CFAP46: variants seen among roughly 807,000 people sequenced by gnomAD.
The protein encoded by CFAP46 is cilia- and flagella-associated protein 46.
A neutral mutation model predicts 325.7 loss-of-function variants in CFAP46; 245 were observed. The observed-to-expected ratio is 0.75, with a 90% CI of 0.68 to 0.84. The LOEUF (loss-of-function observed/expected upper bound fraction) is 0.84. CFAP46 is among the 40% of genes least tolerant of loss of function. The pLI, the probability that CFAP46 is intolerant of heterozygous loss-of-function variation, is 0.00. For missense variants in CFAP46, 3,346 were observed against 3,543.0 expected (o/e 0.94, Z 1.41); for synonymous variants, 1,523 against 1,495.9 (o/e 1.02, Z -0.42).
In CFAP46 at chr10:132,884,875, G is replaced by A. The variant is rs1849098675; in HGVS notation, c.3627+228C>T. Among the ~76,000 whole-genome samples, 2 of 152,222 alleles carry A rather than the reference G, an allele frequency of 1.3e-5. No individual in the cohort carries two copies. The highest frequency in any genetic ancestry group is 2.1e-4 in the South Asian group (1 of 4,818). ...TGCTCAGGGACGAGGACCTGACCAC[G>A]ACCCCTCCATGCTGGAAAGGGACCA... On this transcript the variant is annotated intron_variant, in intron 27 of 57. Transcript: ENST00000368586. This position sits in a 1 kb window ranked among gnomAD's most constrained non-coding sequence, Gnocchi z 5.4.
intron 50 of CFAP46, among the ~76,000 whole-genome samples, chr10:132,831,483 T>A (rs12415265): frequency 0.35 from 53,077 of 152,024 alleles, 10,302 homozygotes; most frequent in Admixed American, 0.51. Flanking sequence ...TCCTCCTCTT[T>A]ACGGAATGGC....
intron 31 of CFAP46, among the ~76,000 whole-genome samples, chr10:132,875,867 T>C (rs1156675101): frequency 6.6e-6 from 1 of 152,184 alleles, no homozygotes; most frequent in African/African-American, 2.4e-5. Flanking sequence ...AAAAGACTAA[T>C]GACTCTTATT....
intron 50 of CFAP46, among the ~76,000 whole-genome samples, chr10:132,822,772 G>GA (rs1847898848): frequency 2.8e-5 from 4 of 142,344 alleles, no homozygotes; most frequent in Non-Finnish European, 4.6e-5. Context: ...GATGTGTGCT[G>GA]TGTGTGCACT....
At position 132,912,640 on chromosome 10, in the gene CFAP46, T is replaced by C; in HGVS notation, c.2499+15A>G. ...CTCTCTCTCTCTCTCTCTCTCGGCA[T>C]CATGGAGGTGGTACCTCCACCGCTG... is the stretch of plus-strand genomic sequence containing the variant. On this transcript the variant is annotated intron_variant, in intron 19 of 57. Coordinates refer to ENST00000368586, the MANE Select transcript of CFAP46 (RefSeq NM_001200049.3). The C allele has an allele frequency of 2.1e-6, 3 of 1,455,680 alleles. No individual in the cohort carries two copies. The highest frequency in any genetic ancestry group is 1.8e-6 in the Non-Finnish European group (2 of 1,085,260). The allele number at this position is 1,455,680 out of a possible 1,614,324, so 90.2% of individuals were successfully genotyped here. A position where few individuals can be genotyped will look rare whatever the true frequency, so the allele number is the denominator to read the frequency against.
At chr10:132,823,535 C>CTGATGTGT (rs1564767329) in intron 50 of CFAP46, among the ~76,000 whole-genome samples, 3 of 63,800 alleles carry the variant, frequency 4.7e-5, no homozygotes, top group Non-Finnish European at 9.0e-5. Flanking sequence ...GTGCTGTGTG[C>CTGATGTGT]GCTGTGTGCT....
intron 13 of CFAP46, among the ~76,000 whole-genome samples, chr10:132,920,727 G>A (rs990062332): frequency 5.9e-5 from 9 of 152,234 alleles, no homozygotes; most frequent in Admixed American, 1.3e-4. Context: ...GCCAGCACAG[G>A]GGTTCACCTT....
intron 25 of CFAP46, among the ~76,000 whole-genome samples, chr10:132,887,473 CTCCTCTCCTCTCTCCCCTCTCGCCTATT>C (rs1849165268): frequency 8.2e-6 from 1 of 121,954 alleles, no homozygotes; most frequent in African/African-American, 3.2e-5. Flanking sequence ...TCTTCTCTCT[CTCCTCTCCTCTCTCCCCTCTCGCCTATT>C]TCCTCTCCTC....
intron 32 of CFAP46, among the ~76,000 whole-genome samples, chr10:132,870,375 A>C (rs753825100): frequency 6.6e-6 from 1 of 152,150 alleles, no homozygotes; most frequent in African/African-American, 2.4e-5. Context: ...TCTCACGTTA[A>C]AGAAAAGCCA....
At chr10:132,936,731 C>T (rs1481694784) in intron 7 of CFAP46, among the ~76,000 whole-genome samples, 1 of 152,252 alleles carries the variant, frequency 6.6e-6, no homozygotes, top group Non-Finnish European at 1.5e-5. Context: ...CTTCTGTGGC[C>T]TCACTGGCCT....
chr10:132,930,238 A>C (rs147385597), intron 8 of CFAP46, among the ~76,000 whole-genome samples: 113 of 150,612 alleles, frequency 7.5e-4, no homozygotes, highest in African/African-American at 2.4e-3. Flanking sequence ...ACAGAGCCCG[A>C]ACCTTCCTCC....
In CFAP46 at chr10:132,846,095, C is replaced by A; in HGVS notation, c.6400G>T (p.Gly2134Cys). ...GCCAGCCTCTGCTCCACACGGGCGC[C>A]CAGGCTGGTGGTGGTCCTGTCTTGG... ...RCQDRTTTSL[G>C]ARVEQRLAAV... Residue 2134 changes from glycine to cysteine, a missense_variant, in exon 44 of 58, where the codon GGC (glycine) becomes TGC (cysteine). Physicochemically the swap from Gly to Cys is radical, Grantham distance 159 (BLOSUM62 -3). Coordinates refer to ENST00000368586, the MANE Select transcript of CFAP46 (RefSeq NM_001200049.3). 1.2e-6 allele frequency: 2 copies of A among 1,603,872 alleles called. No homozygotes were observed. Among genetic ancestry groups the A allele is most frequent in the South Asian group, 2.2e-5 (2 of 90,206 alleles).
Position 132,808,971 on chromosome 10 carries a change from A to G in CFAP46, c.7665-67T>C. On this transcript the variant is annotated intron_variant, in intron 57 of 57. Coordinates refer to ENST00000368586, the MANE Select transcript of CFAP46 (RefSeq NM_001200049.3). This position sits in a 1 kb window ranked among gnomAD's most constrained non-coding sequence, Gnocchi z 6.8. ...CAGGACGTCCAGCCCGGTGAGGACCAGGGCACAGGGGCGGGAAGTGGCAGC... is the reference window on the plus strand; with the variant it reads ...CAGGACGTCCAGCCCGGTGAGGACCGGGGCACAGGGGCGGGAAGTGGCAGC... The G allele has an allele frequency of 6.9e-7, 1 of 1,443,608 alleles. No homozygotes were observed. The highest frequency in any genetic ancestry group is 2.4e-5 in the East Asian group (1 of 42,166). The allele number at this position is 1,443,608 out of a possible 1,614,324, so 89.4% of individuals were successfully genotyped here.
rs966128408 is a variant in CFAP46, at chr10:132,884,310, C to A, written c.3627+793G>T. On this transcript the variant is annotated intron_variant, in intron 27 of 57. Transcript: ENST00000368586. This position sits in a 1 kb window ranked among gnomAD's most constrained non-coding sequence, Gnocchi z 5.4. ...TGCCTTGATCACCCAGTGCCCTGAG[C>A]CGGCACTCACACAGCACCGTCAGAG... Among the ~76,000 whole-genome samples, 2 of 152,210 alleles carry A rather than the reference C, an allele frequency of 1.3e-5. No homozygotes were observed. Among genetic ancestry groups the A allele is most frequent in the South Asian group, 4.1e-4 (2 of 4,834 alleles).
In CFAP46 at chr10:132,929,819, A is replaced by G. The variant is rs766379692; in HGVS notation, c.867-15T>C. The G allele has an allele frequency of 2.0e-5, 32 of 1,593,852 alleles. No individual in the cohort carries two copies. The highest frequency in any genetic ancestry group is 2.7e-5 in the Non-Finnish European group (31 of 1,167,494). ...GCAAAAGCATTCTGCAAACAAACAA[A>G]CCAGCCAGCACCGGCTCAATAGGGG... On this transcript the variant is annotated splice_polypyrimidine_tract_variant and intron_variant, in intron 8 of 57. Transcript: ENST00000368586.
chr10:132,942,560 C>T lies in CFAP46; in HGVS notation c.-76G>A, dbSNP rs1850126847. On this transcript the variant is annotated 5_prime_UTR_variant, in exon 1 of 58. Coordinates refer to ENST00000368586, the MANE Select transcript of CFAP46 (RefSeq NM_001200049.3). ...GCCGCCCACTGTCGGTTGGGTTCTCCAGCCGCGAGGACCCGGCCACGGTTG... is the reference window on the plus strand; with the variant it reads ...GCCGCCCACTGTCGGTTGGGTTCTCTAGCCGCGAGGACCCGGCCACGGTTG... 8.4e-7 allele frequency: 1 copy of T among 1,190,918 alleles called. No homozygotes were observed. The highest frequency in any genetic ancestry group is 3.2e-5 in the East Asian group (1 of 31,498). 73.8% of individuals were successfully genotyped at this position (1,190,918 alleles called of 1,614,324 possible).
At chr10:132,909,611 C>T (rs995430770) in intron 20 of CFAP46, among the ~76,000 whole-genome samples, 8 of 152,338 alleles carry the variant, frequency 5.3e-5, no homozygotes, top group Admixed American at 5.2e-4. Context: ...CTCCAAGGCC[C>T]CTCCTCCATC....
At chr10:132,835,186 G>A (rs1848219682) in intron 47 of CFAP46, 118 bp downstream of exon 47, 4 of 1,379,480 alleles carry the variant, frequency 2.9e-6, no homozygotes, top group Non-Finnish European at 3.9e-6. Flanking sequence ...GATGGCCCAA[G>A]CCCTTCAGCA....
intron 8 of CFAP46, among the ~76,000 whole-genome samples, chr10:132,934,224 AC>A (rs1396190470): frequency 2.0e-5 from 3 of 152,214 alleles, no homozygotes; most frequent in Non-Finnish European, 1.5e-5. Flanking sequence ...TAAGGAGGTG[AC>A]AAAATCGCTC....
intron 43 of CFAP46, among the ~76,000 whole-genome samples, chr10:132,846,645 G>A (rs55845648): frequency 2.0e-5 from 3 of 150,760 alleles, no homozygotes; most frequent in East Asian, 2.0e-4. Flanking sequence ...GTGTCTGCCC[G>A]ATCCTCTGTG....
Sources: allele counts gnomAD v4.1 joint callset (sites outside exome capture counted in the v4.1 genomes callset), GRCh38; gene constraint gnomAD v4.1.1; non-coding constraint Gnocchi (gnomAD v3.1); transcripts MANE v1.5; gene names NCBI Gene and HGNC (gene_info 2026-07-23, HGNC 2026-07-21).